Variants in CHN1 observed in about 807,000 individuals in gnomAD.
CHN1 encodes N-chimaerin.
A neutral mutation model predicts 59.5 loss-of-function variants in CHN1; 37 were observed. The ratio of observed to expected loss-of-function variants is 0.62; its 90% CI spans 0.48 to 0.82. The LOEUF (loss-of-function observed/expected upper bound fraction) is 0.82. Ranked by LOEUF, CHN1 falls within the 40% of genes least tolerant of loss-of-function variation. The pLI, the probability that CHN1 is intolerant of heterozygous loss-of-function variation, is 0.00. For missense variants in CHN1, 469 were observed against 571.0 expected, an observed-to-expected ratio of 0.82 and a Z score of 1.82; for synonymous variants, 206 against 200.4, an observed-to-expected ratio of 1.03 and a Z score of -0.24.
At chr2:174,985,416 T>C (rs974407535) in intron 1 of CHN1, among the ~76,000 whole-genome samples, 5 of 152,186 alleles carry the variant, frequency 3.3e-5, no homozygotes, top group African/African-American at 1.2e-4. Context: ...ACCATTCCAC[T>C]TATTAAATTT....
chr2:174,838,954 T>C (rs566922654), intron 7 of CHN1, among the ~76,000 whole-genome samples: 1 of 151,940 alleles, frequency 6.6e-6, no homozygotes, highest in African/African-American at 2.4e-5. Context: ...GAGGCGGAAG[T>C]TGCAGTGAGC....
intron 6 of CHN1, among the ~76,000 whole-genome samples, chr2:174,870,221 T>A (rs1053261996): frequency 1.3e-5 from 2 of 152,102 alleles, no homozygotes; most frequent in Admixed American, 1.3e-4. Context: ...AAAAGGGACA[T>A]AAAGACAAGG....
chr2:174,819,639 A>G (rs2105394676), intron 8 of CHN1, among the ~76,000 whole-genome samples: 1 of 152,240 alleles, frequency 6.6e-6, no homozygotes, highest in South Asian at 2.1e-4. Flanking sequence ...CTAAATGAAC[A>G]ACGACCATCC....
At chr2:174,847,445 C>CATTT in intron 6 of CHN1, 1 of 1,193,106 alleles carries the variant, frequency 8.4e-7, no homozygotes, top group African/African-American at 1.5e-5. Flanking sequence ...CTCTCTTTAT[C>CATTT]ATTTTTTAAA....
At chr2:174,856,511 A>G (rs989621067) in intron 6 of CHN1, among the ~76,000 whole-genome samples, 1 of 152,218 alleles carries the variant, frequency 6.6e-6, no homozygotes, top group African/African-American at 2.4e-5. Context: ...TCTGAAAACA[A>G]TGCAAACAAA....
chr2:174,846,279 A>C, intron 7 of CHN1: 2 of 1,534,704 alleles, frequency 1.3e-6, no homozygotes, highest in Non-Finnish European at 1.8e-6. Context: ...GATAAACCAC[A>C]TTAACACAAT....
chr2:174,874,419 C>T (rs1558961843), intron 6 of CHN1, among the ~76,000 whole-genome samples: 1 of 152,064 alleles, frequency 6.6e-6, no homozygotes, highest in Non-Finnish European at 1.5e-5. Context: ...ATATTTCAGG[C>T]TGAGGAAGCA....
intron 6 of CHN1, among the ~76,000 whole-genome samples, chr2:174,876,443 A>T (rs1687568135): frequency 6.6e-6 from 1 of 152,214 alleles, no homozygotes; most frequent in Non-Finnish European, 1.5e-5. Flanking sequence ...CCATAAATGG[A>T]AAATCAACCA....
chr2:174,993,274 T>A (rs959315450), intron 1 of CHN1, among the ~76,000 whole-genome samples: 1 of 152,154 alleles, frequency 6.6e-6, no homozygotes. Flanking sequence ...AAATTCCTGC[T>A]TGTTCATGTT....
chr2:174,898,079 A>T (rs1421743377), intron 5 of CHN1, among the ~76,000 whole-genome samples: 1 of 152,210 alleles, frequency 6.6e-6, no homozygotes, highest in East Asian at 1.9e-4. Context: ...ACAAATGAGA[A>T]TAAATCCAAA....
chr2:174,815,194 TAGTG>T (rs1414551319), intron 8 of CHN1, among the ~76,000 whole-genome samples: 1 of 152,060 alleles, frequency 6.6e-6, no homozygotes, highest in East Asian at 1.9e-4. Context: ...CTAGGCAACA[TAGTG>T]AGACCCTGCC....
intron 1 of CHN1, among the ~76,000 whole-genome samples, chr2:174,959,526 G>A (rs1213726967): frequency 2.6e-5 from 4 of 152,118 alleles, no homozygotes; most frequent in South Asian, 2.1e-4. Context: ...TTTCCAGGAC[G>A]CTAAATCTTC....
intron 3 of CHN1, among the ~76,000 whole-genome samples, chr2:174,931,963 G>T (rs1689362184): frequency 6.6e-6 from 1 of 152,174 alleles, no homozygotes; most frequent in African/African-American, 2.4e-5. Context: ...AGATGAGTTA[G>T]AGAGGACCTT....
At chr2:174,803,402 G>A (rs1197004468) in intron 11 of CHN1, among the ~76,000 whole-genome samples, 1 of 152,136 alleles carries the variant, frequency 6.6e-6, no homozygotes. Context: ...AATGAAGAAT[G>A]TATTTGCTTT....
chr2:174,807,722 C>T (rs1435309472), intron 11 of CHN1, among the ~76,000 whole-genome samples: 1 of 151,934 alleles, frequency 6.6e-6, no homozygotes, highest in Non-Finnish European at 1.5e-5. Flanking sequence ...TTGAGCTGAC[C>T]CACAAGAAAT....
At chr2:174,987,694 A>C (rs546892829) in intron 1 of CHN1, among the ~76,000 whole-genome samples, 1 of 152,230 alleles carries the variant, frequency 6.6e-6, no homozygotes, top group African/African-American at 2.4e-5. Context: ...TCGGCTTCCT[A>C]AAGTGCTGGG....
intron 5 of CHN1, among the ~76,000 whole-genome samples, chr2:174,883,574 G>A (rs1687801461): frequency 6.6e-6 from 1 of 152,048 alleles, no homozygotes; most frequent in South Asian, 2.1e-4. Context: ...GCCTTTTAGG[G>A]TCCCATATGC....
intron 5 of CHN1, among the ~76,000 whole-genome samples, chr2:174,892,647 G>C (rs756671738): frequency 3.3e-5 from 5 of 152,182 alleles, no homozygotes; most frequent in Non-Finnish European, 7.3e-5. Flanking sequence ...ACCAAAGCCA[G>C]ACAAAGATTA....
intron 7 of CHN1, chr2:174,846,466 T>C: frequency 6.7e-7 from 1 of 1,498,686 alleles, no homozygotes; most frequent in Non-Finnish European, 8.9e-7. Flanking sequence ...ATCTGCTCAA[T>C]CCAGATGCAA....
Sources: allele counts gnomAD v4.1 joint callset (sites outside exome capture counted in the v4.1 genomes callset), GRCh38; gene constraint gnomAD v4.1.1; transcripts MANE v1.5; gene names NCBI Gene and HGNC (gene_info 2026-07-23, HGNC 2026-07-21).